Variants in SIM2 observed in about 807,000 individuals in gnomAD.
The protein encoded by SIM2 is single-minded homolog 2.
SIM2 carries 28 observed loss-of-function variants against 64.8 expected under a neutral mutation model. The observed-to-expected ratio is 0.43, with a 90% CI of 0.32 to 0.59. The LOEUF (loss-of-function observed/expected upper bound fraction) is 0.59. SIM2 is among the 20% of genes least tolerant of loss of function. The probability of loss-of-function intolerance (pLI) is 0.07; values close to 1 mark genes in which losing one functional copy is unlikely to be tolerated. For synonymous variants in SIM2, 408 were observed against 391.1 expected, an observed-to-expected ratio of 1.04 and a Z score of -0.51; for missense variants, 847 against 871.4, an observed-to-expected ratio of 0.97 and a Z score of 0.35.
chr21:36,738,539 T>C (rs894473856), intron 7 of SIM2, among the ~76,000 whole-genome samples: 1 of 152,198 alleles, frequency 6.6e-6, no homozygotes, highest in African/African-American at 2.4e-5. Flanking sequence ...TCGCAAGTAC[T>C]TCTATACCAA....
rs2089220782 is a variant in SIM2 at position 36,745,758 on chromosome 21, C to T, written c.1576+622C>T. 7.7e-7 allele frequency: 1 copy of T among 1,301,550 alleles called. No homozygotes were observed. Among genetic ancestry groups the T allele is most frequent in the Non-Finnish European group, 1.0e-6 (1 of 986,914 alleles). 80.6% of individuals were successfully genotyped at this position (1,301,550 alleles called of 1,614,324 possible). A position where few individuals can be genotyped will look rare whatever the true frequency, so the allele number is the denominator to read the frequency against. ...ACCTGCCCTGTACATGCTAGTTCAA[C>T]AGAAAGGAATGGCCTTTCACCTTCT... On this transcript the variant is annotated intron_variant, in intron 10 of 10. Transcript: ENST00000290399. The surrounding 1 kb of genome is among the most constrained non-coding windows in gnomAD (Gnocchi z 4.8).
chr21:36,730,604 G>A (rs879878692), intron 6 of SIM2, among the ~76,000 whole-genome samples: 21 of 152,258 alleles, frequency 1.4e-4, no homozygotes, highest in African/African-American at 4.6e-4. Flanking sequence ...GTACACTAGC[G>A]CTGGTAACCA....
At chr21:36,723,253 T>G in intron 5 of SIM2, 123 bp downstream of exon 5, 1 of 748,316 alleles carries the variant, frequency 1.3e-6, no homozygotes, top group Non-Finnish European at 2.4e-6. Context: ...TGTAGAGCTC[T>G]CCAGCAACGT....
At chr21:36,728,857 C>T (rs2088928930) in intron 6 of SIM2, among the ~76,000 whole-genome samples, 1 of 152,256 alleles carries the variant, frequency 6.6e-6, no homozygotes, top group African/African-American at 2.4e-5. Flanking sequence ...TGGTCGTGGG[C>T]CTGTCTGGCG....
intron 1 of SIM2, among the ~76,000 whole-genome samples, chr21:36,703,817 G>C (rs1289492547): frequency 6.6e-6 from 1 of 152,240 alleles, no homozygotes; most frequent in Non-Finnish European, 1.5e-5. Flanking sequence ...GTCCTGGCAG[G>C]CCAGCTCTGG....
chr21:36,747,734 A>G lies in SIM2; in HGVS notation c.1646A>G (p.Tyr549Cys). Residue 549 changes from tyrosine (Y) to cysteine (C), a missense_variant, in exon 11 of 11, where the codon TAC becomes TGC. By Grantham distance (194) the Tyr-to-Cys change is radical. Transcript: ENST00000290399. The surrounding 1 kb of genome is among the most constrained non-coding windows in gnomAD (Gnocchi z 4.5). ...APPSFPSCGH[Y>C]REEPALGPAK... is the part of the protein sequence containing the mutation. ...CCGAGCTTCCCGAGCTGCGGCCACTACCGCGAGGAGCCCGCGCTGGGCCCG... is the reference window on the plus strand; with the variant it reads ...CCGAGCTTCCCGAGCTGCGGCCACTGCCGCGAGGAGCCCGCGCTGGGCCCG... The G allele has an allele frequency of 8.0e-7, 1 of 1,242,564 alleles. No individual in the cohort carries two copies. Among genetic ancestry groups the G allele is most frequent in the Non-Finnish European group, 1.0e-6 (1 of 990,958 alleles). 77.0% of individuals were successfully genotyped at this position (1,242,564 alleles called of 1,614,324 possible).
At chr21:36,741,943 CTCTCTT>C in intron 8 of SIM2, 79 bp downstream of exon 8, 1 of 1,253,338 alleles carries the variant, frequency 8.0e-7, no homozygotes, top group Non-Finnish European at 1.1e-6. Context: ...TAAGCACCAT[CTCTCTT>C]TCTCTCTTTC....
intron 1 of SIM2, among the ~76,000 whole-genome samples, chr21:36,701,129 G>A (rs1468346492): frequency 4.6e-5 from 7 of 152,234 alleles, no homozygotes; most frequent in Non-Finnish European, 1.0e-4. Flanking sequence ...CAGGGTTCTG[G>A]TGGGTCCTCT....
chr21:36,725,409 C>G (rs377650257), intron 5 of SIM2, among the ~76,000 whole-genome samples: 19 of 152,204 alleles, frequency 1.2e-4, no homozygotes, highest in African/African-American at 3.6e-4. Flanking sequence ...ATACAGATGC[C>G]AAGTTCAATC....
At chr21:36,709,620 A>G in intron 2 of SIM2, 1 of 395,120 alleles carries the variant, frequency 2.5e-6, no homozygotes, top group Non-Finnish European at 4.9e-6. Flanking sequence ...GAGCAGCAGA[A>G]ATGATTGGGC....
rs796067235 is a variant in SIM2, at chr21:36,748,650, A to G, written c.*558A>G. 9 of 152,388 alleles carry G rather than the reference A, an allele frequency of 5.9e-5. No homozygotes were observed. The highest frequency in any genetic ancestry group is 2.2e-4 in the African/African-American group (9 of 41,510). 9.4% of individuals were successfully genotyped at this position (152,388 alleles called of 1,614,324 possible). The stretch of plus-strand genomic sequence containing the variant: ...GTCTCATTATTTTTGTTTTTATTTA[A>G]CCCTTTCTTCAATACAAAAAGCCAA... On this transcript the variant is annotated 3_prime_UTR_variant, in exon 11 of 11. Coordinates refer to ENST00000290399, the MANE Select transcript of SIM2 (RefSeq NM_005069.6).
At chr21:36,700,546 G>A (rs993056746) in intron 1 of SIM2, among the ~76,000 whole-genome samples, 25 of 150,948 alleles carry the variant, frequency 1.7e-4, no homozygotes, top group African/African-American at 5.4e-4. Flanking sequence ...TTCTTTCTAC[G>A]ATTCCCTTTA....
At chr21:36,744,571 G>C (rs534499286) in intron 9 of SIM2, among the ~76,000 whole-genome samples, 157 bp from the exon 10 acceptor site, 1 of 152,170 alleles carries the variant, frequency 6.6e-6, no homozygotes. Flanking sequence ...GGTATCGCTC[G>C]CTGTGTGCCT....
chr21:36,702,113 G>A (rs559775980), intron 1 of SIM2, among the ~76,000 whole-genome samples: 13 of 152,188 alleles, frequency 8.5e-5, no homozygotes, highest in Non-Finnish European at 1.5e-4. Flanking sequence ...CCTTTAAACC[G>A]GCTCTGTGCG....
chr21:36,738,902 A>G (rs2089114435), intron 7 of SIM2, among the ~76,000 whole-genome samples: 1 of 152,226 alleles, frequency 6.6e-6, no homozygotes, highest in South Asian at 2.1e-4. Flanking sequence ...TGCTCTCTGC[A>G]TGGTCCGGGA....
chr21:36,707,628 T>C (rs1036742953), intron 1 of SIM2, among the ~76,000 whole-genome samples: 1 of 151,808 alleles, frequency 6.6e-6, no homozygotes, highest in African/African-American at 2.4e-5. Flanking sequence ...AGTTGCCGAA[T>C]AGGGAAGGGT....
At chr21:36,713,419 T>C (rs2088702681) in intron 3 of SIM2, among the ~76,000 whole-genome samples, 1 of 152,192 alleles carries the variant, frequency 6.6e-6, no homozygotes, top group Admixed American at 6.5e-5. Flanking sequence ...TCATTCTCAT[T>C]CACATGCCTG....
Position 36,712,630 on chromosome 21 carries a change from T to C in SIM2, c.348+8T>C. 1 of 1,588,284 alleles carries C rather than the reference T, an allele frequency of 6.3e-7. No individual in the cohort carries two copies. The highest frequency in any genetic ancestry group is 1.1e-5 in the South Asian group (1 of 88,638). Reference sequence around the variant, plus strand: ...CATTTAGGCTTATCCCAGGTGGGTATTGCCTAATTTTATGTGCAACCAAAA... The same window carrying C: ...CATTTAGGCTTATCCCAGGTGGGTACTGCCTAATTTTATGTGCAACCAAAA... On this transcript the variant is annotated splice_region_variant and intron_variant, in intron 3 of 10. Transcript: ENST00000290399.
chr21:36,732,912 G>A (rs1032612326), intron 7 of SIM2, among the ~76,000 whole-genome samples: 3 of 152,150 alleles, frequency 2.0e-5, no homozygotes, highest in Non-Finnish European at 2.9e-5. Context: ...GTTGGGAGAC[G>A]GGAGAGGCAT....
Sources: allele counts gnomAD v4.1 joint callset (sites outside exome capture counted in the v4.1 genomes callset), GRCh38; gene constraint gnomAD v4.1.1; non-coding constraint Gnocchi (gnomAD v3.1); transcripts MANE v1.5; gene names NCBI Gene and HGNC (gene_info 2026-07-23, HGNC 2026-07-21).